Variants in LRP1B observed in about 807,000 individuals in gnomAD.
LRP1B encodes low-density lipoprotein receptor-related protein 1B.
In LRP1B, 217 loss-of-function variants were observed where a neutral mutation model predicts 556.6. The observed-to-expected ratio is 0.39, with a 90% CI of 0.35 to 0.44. The LOEUF is 0.44. Among genes scored for constraint, LRP1B ranks in the 20% least tolerant of loss-of-function variants. The pLI is 1.00. For synonymous variants in LRP1B, 2,047 were observed against 1,865.8 expected (o/e 1.10, Z -2.50); for missense variants, 5,053 against 5,620.8 (o/e 0.90, Z 3.23).
intron 1 of LRP1B, among the ~76,000 whole-genome samples, chr2:141,864,706 C>T (rs572561540): frequency 6.6e-6 from 1 of 152,192 alleles, no homozygotes; most frequent in East Asian, 1.9e-4. Context: ...ATGGTGAAAC[C>T]CCGTCTCTAC....
chr2:141,639,568 T>A (rs1689255108), intron 2 of LRP1B, among the ~76,000 whole-genome samples: 1 of 151,254 alleles, frequency 6.6e-6, no homozygotes, highest in South Asian at 2.1e-4. Context: ...AATATCAGAA[T>A]GCTATTGAAC....
intron 3 of LRP1B, among the ~76,000 whole-genome samples, chr2:141,257,347 C>T (rs1684511118): frequency 6.6e-6 from 1 of 152,124 alleles, no homozygotes; most frequent in Admixed American, 6.5e-5. Flanking sequence ...CAGGTGTATT[C>T]ACTCAGTGAG....
Position 142,024,089 on chromosome 2 carries a change from G to T in LRP1B, c.82+106559C>A, listed in dbSNP as rs559476795. Among the ~76,000 whole-genome samples, 10 of 152,290 alleles carry T rather than the reference G, an allele frequency of 6.6e-5. No individual in the cohort carries two copies. In the East Asian group the frequency reaches 1.9e-3, roughly 29 times the overall value. The stretch of plus-strand genomic sequence containing the variant: ...AAAGAAAAATTGTGCATGCATGTTT[G>T]TAGCCTCCTATTGCAGCTGTGAATG... On this transcript the variant is annotated intron_variant, in intron 1 of 90. Coordinates refer to ENST00000389484, the MANE Select transcript of LRP1B (RefSeq NM_018557.3).
chr2:140,333,269 A>G (rs768700582), intron 79 of LRP1B, among the ~76,000 whole-genome samples: 3 of 152,056 alleles, frequency 2.0e-5, no homozygotes, highest in Non-Finnish European at 4.4e-5. Context: ...CTAAAATAGT[A>G]CCTCCATTGA....
intron 86 of LRP1B, among the ~76,000 whole-genome samples, chr2:140,260,440 C>T (rs1681880274): frequency 6.6e-6 from 1 of 151,648 alleles, no homozygotes; most frequent in South Asian, 2.1e-4. Flanking sequence ...TGTTGTACTG[C>T]CTTTAATACT....
In LRP1B at chr2:140,331,686, C is replaced by CATATATAT. The variant is rs10571873; in HGVS notation, c.12223+2759_12223+2766dup. Reference sequence around the variant, plus strand: ...AAAGTTAGTTATCACTATATATATACATATATATATATATATATATAATTT... The same window carrying CATATATAT: ...AAAGTTAGTTATCACTATATATATACATATATATATATATATATATATATATATAATTT... On this transcript the variant is annotated intron_variant, in intron 79 of 90. Coordinates refer to ENST00000389484, the MANE Select transcript of LRP1B (RefSeq NM_018557.3). 3.4e-3 allele frequency among the ~76,000 whole-genome samples: 487 copies of CATATATAT among 143,052 alleles called. 2 individuals are homozygous for CATATATAT. Among genetic ancestry groups the CATATATAT allele is most frequent in the African/African-American group, 6.0e-3 (236 of 39,318 alleles). The allele number at this position is 143,052 out of a possible 152,430, so 93.8% of individuals were successfully genotyped here.
At chr2:141,281,752 TA>T (rs1228975934) in intron 3 of LRP1B, among the ~76,000 whole-genome samples, 3 of 152,018 alleles carry the variant, frequency 2.0e-5, no homozygotes, top group African/African-American at 7.2e-5. Flanking sequence ...ACTAAAGAGT[TA>T]AGTAAGAGTT....
intron 41 of LRP1B, among the ~76,000 whole-genome samples, chr2:140,668,309 C>CAAAAAAAAAAA (rs560180473): frequency 1.7e-5 from 1 of 59,648 alleles, no homozygotes; most frequent in Non-Finnish European, 2.8e-5. Flanking sequence ...GACTCCGTCT[C>CAAAAAAAAAAA]AAAAAAAAAA....
intron 1 of LRP1B, among the ~76,000 whole-genome samples, chr2:142,033,547 G>T (rs1703775096): frequency 1.3e-5 from 2 of 151,614 alleles, no homozygotes; most frequent in South Asian, 4.2e-4. Flanking sequence ...TAGGGTGTTG[G>T]CACTCACCCA....
chr2:140,325,774 T>A lies in LRP1B; in HGVS notation c.12328A>T (p.Ser4110Cys), dbSNP rs374433890. The part of the protein sequence containing the change: ...YDGSNSVVSV[S>C]SKQGLLHPHR... ...GCACTTCACAAACCTTGTTTGCTGC[T>A]GACAGAGACTACTGAATTAGAGCCA... is the stretch of plus-strand genomic sequence containing the variant. The change falls in exon 80 of 91, where the codon AGC becomes TGC. Residue 4110 changes from serine to cysteine, a missense_variant. By Grantham distance (112) the Ser-to-Cys change is moderately radical. Around this residue, in one of 5 missense-constraint regions of LRP1B, gnomAD observed 551 missense variants for 592.0 expected, o/e 0.93. Coordinates refer to ENST00000389484, the MANE Select transcript of LRP1B (RefSeq NM_018557.3). The A allele has an allele frequency of 5.2e-5, 84 of 1,610,236 alleles. No homozygotes were observed. The African/African-American group carries it at 8.3e-4, about 16-fold the overall frequency.
chr2:140,458,804 CTAAAG>C (rs1239338434), intron 60 of LRP1B, among the ~76,000 whole-genome samples: 1 of 151,746 alleles, frequency 6.6e-6, no homozygotes, highest in Non-Finnish European at 1.5e-5. Context: ...ATATTATCAA[CTAAAG>C]TAAATATTTT....
intron 2 of LRP1B, among the ~76,000 whole-genome samples, chr2:141,764,360 G>A (rs571203093): frequency 1.3e-5 from 2 of 152,100 alleles, no homozygotes; most frequent in African/African-American, 2.4e-5. Flanking sequence ...TTTGTATTTT[G>A]TTTAGTAGAG....
At chr2:141,249,776 A>G (rs1439796659) in intron 4 of LRP1B, among the ~76,000 whole-genome samples, 1 of 152,172 alleles carries the variant, frequency 6.6e-6, no homozygotes, top group Admixed American at 6.5e-5. Context: ...AAAGATTAAA[A>G]TTCCCATTTA....
chr2:140,495,843 A>C, intron 55 of LRP1B, 95 bp from the exon 56 acceptor site: 1 of 925,272 alleles, frequency 1.1e-6, no homozygotes, highest in East Asian at 2.7e-5. Flanking sequence ...AAAGCATTTG[A>C]AAATAGATAA....
chr2:140,971,179 T>G (rs772639547), intron 18 of LRP1B, among the ~76,000 whole-genome samples: 19 of 152,190 alleles, frequency 1.2e-4, no homozygotes, highest in Non-Finnish European at 2.2e-4. Flanking sequence ...GAGATCATCC[T>G]GGATTAAAGG....
intron 2 of LRP1B, among the ~76,000 whole-genome samples, chr2:141,692,821 C>G (rs1691595486): frequency 6.6e-6 from 1 of 152,000 alleles, no homozygotes; most frequent in African/African-American, 2.4e-5. Context: ...CTCTCAGCAA[C>G]TGTAATACAA....
rs1693009657 is a variant in LRP1B at position 140,868,095 on chromosome 2, A to T, written c.4334+4T>A. 1.3e-6 allele frequency: 2 copies of T among 1,573,490 alleles called. No individual in the cohort carries two copies. Among genetic ancestry groups the T allele is most frequent in the East Asian group, 2.2e-5 (1 of 44,520 alleles). On this transcript the variant is annotated splice_donor_region_variant and intron_variant, in intron 26 of 90. Coordinates refer to ENST00000389484, the MANE Select transcript of LRP1B (RefSeq NM_018557.3). ...AAATACAGAAAAGAGATGATTTTTTAAACCTGGCGTCTGTCCACACTATCC... is the reference window on the plus strand; with the variant it reads ...AAATACAGAAAAGAGATGATTTTTTTAACCTGGCGTCTGTCCACACTATCC...
chr2:141,139,599 T>G (rs368285526), intron 7 of LRP1B, among the ~76,000 whole-genome samples: 2 of 151,954 alleles, frequency 1.3e-5, no homozygotes, highest in African/African-American at 4.8e-5. Context: ...AAAAATTCAA[T>G]ATCATTAGTA....
chr2:141,375,066 G>T (rs1182590258), intron 3 of LRP1B, among the ~76,000 whole-genome samples: 1 of 152,082 alleles, frequency 6.6e-6, no homozygotes, highest in African/African-American at 2.4e-5. Context: ...TATGTTGTTG[G>T]TTAAGTAGGA....
Sources: gnomAD v4.1 joint callset for allele counts (sites outside exome capture counted in the v4.1 genomes callset) on GRCh38, gnomAD v4.1.1 for gene constraint, gnomAD v4.1.1 regional missense constraint, MANE v1.5 for transcripts, NCBI Gene and HGNC (gene_info 2026-07-23, HGNC 2026-07-21) for gene names.